The following QSER1 variants were observed in gnomAD, a reference collection of about 807,000 sequenced individuals.
The protein encoded by QSER1 is glutamine and serine-rich protein 1.
QSER1 carries 49 observed loss-of-function variants against 158.5 expected under a neutral mutation model. The ratio of observed to expected loss-of-function variants is 0.31; its 90% CI spans 0.25 to 0.39. The LOEUF (loss-of-function observed/expected upper bound fraction) is 0.39, where lower values mean the gene tolerates loss of function less well. QSER1 is among the 10% of genes least tolerant of loss of function. QSER1 has a pLI of 1.00. For synonymous variants in QSER1, 650 were observed against 715.5 expected (o/e 0.91, Z 1.46); for missense variants, 1,754 against 2,010.3 (o/e 0.87, Z 2.44).
In QSER1 at chr11:32,978,527, G is replaced by T. The variant is rs913994269; in HGVS notation, c.*2053G>T. On this transcript the variant is annotated 3_prime_UTR_variant, in exon 13 of 13. Coordinates refer to ENST00000650167, the MANE Select transcript of QSER1 (RefSeq NM_001076786.3). The stretch of plus-strand genomic sequence containing the variant: ...CTTAATTTAGGTAGCTCTTGGAATC[G>T]ATGTTTGAATTCACTAGCCACATTT... 6.6e-6 allele frequency: 1 copy of T among 152,148 alleles called. No homozygotes were observed. The highest frequency in any genetic ancestry group is 6.5e-5 in the Admixed American group (1 of 15,268). 9.4% of individuals were successfully genotyped at this position (152,148 alleles called of 1,614,324 possible). A position where few individuals can be genotyped will look rare whatever the true frequency, so the allele number is the denominator to read the frequency against.
intron 5 of QSER1, 58 bp downstream of exon 5, chr11:32,954,237 C>T (rs769237284): frequency 1.4e-5 from 22 of 1,547,016 alleles, no homozygotes; most frequent in Non-Finnish European, 1.9e-5. Context: ...CCTGCGATAG[C>T]CTTCATTATG....
chr11:32,935,396 A>G lies in QSER1; in HGVS notation c.4138A>G (p.Thr1380Ala). ...DAYKSVSTPL[T>A]TLDATSDKKK... The stretch of plus-strand genomic sequence containing the variant: ...TTATAAAAGCGTCTCTACTCCCTTA[A>G]CTACTTTGGATGCTACTTCTGATAA... The change falls in exon 4 of 13, where the codon ACT (threonine) becomes GCT (alanine). Residue 1380 changes from threonine to alanine, a missense_variant. Thr to Ala is a moderately conservative substitution (Grantham distance 58, BLOSUM62 0). This residue lies in a region of QSER1 where 1,707 missense variants were observed against 1,919.6 expected (regional missense o/e 0.89). Coordinates refer to ENST00000650167, the MANE Select transcript of QSER1 (RefSeq NM_001076786.3). 1.3e-6 allele frequency: 2 copies of G among 1,559,774 alleles called. No homozygotes were observed. Among genetic ancestry groups the G allele is most frequent in the Admixed American group, 2.0e-5 (1 of 49,034 alleles).
chr11:32,911,443 A>T (rs1311548325), intron 1 of QSER1, among the ~76,000 whole-genome samples: 2 of 150,260 alleles, frequency 1.3e-5, no homozygotes, highest in Non-Finnish European at 1.5e-5. Context: ...GTACCAAGTT[A>T]TGAATGATTA....
chr11:32,898,049 T>G (rs1364281400), intron 1 of QSER1, among the ~76,000 whole-genome samples: 1 of 152,238 alleles, frequency 6.6e-6, no homozygotes, highest in East Asian at 1.9e-4. Context: ...TCTTGGACCT[T>G]TTCTTTCCTC....
intron 1 of QSER1, among the ~76,000 whole-genome samples, chr11:32,899,503 G>A (rs1244349254): frequency 6.6e-6 from 1 of 152,148 alleles, no homozygotes; most frequent in Non-Finnish European, 1.5e-5. Flanking sequence ...TTGAGTACCT[G>A]CAATTGTTAA....
rs575378907 is a variant in QSER1, at chr11:32,927,973, A to G, written c.334A>G (p.Ile112Val). 12 of 906,872 alleles carry G rather than the reference A, an allele frequency of 1.3e-5. No homozygotes were observed. The highest frequency in any genetic ancestry group is 1.0e-4 in the Admixed American group (4 of 39,940). The allele number at this position is 906,872 out of a possible 1,614,324, so 56.2% of individuals were successfully genotyped here. Residue 112 changes from isoleucine to valine, a missense_variant, in exon 3 of 13, where the codon ATA becomes GTA. By Grantham distance (29) the Ile-to-Val change is conservative (BLOSUM62 3). This residue lies in a region of QSER1 where 1,707 missense variants were observed against 1,919.6 expected (regional missense o/e 0.89). Transcript: ENST00000650167. ...ATCTTCAAATTTAGGTCTTTCTGGA[A>G]TATTTGATACTAGTGTGAACAGTGC... ...PTPQPTGLSGIFDTSVNSASS... is the reference protein window; with the variant it reads ...PTPQPTGLSGVFDTSVNSASS...
chr11:32,924,961 T>C (rs1012369569), intron 1 of QSER1, among the ~76,000 whole-genome samples: 1 of 152,184 alleles, frequency 6.6e-6, no homozygotes, highest in Non-Finnish European at 1.5e-5. Flanking sequence ...CTCCCACTTA[T>C]TAATGAGAAC....
rs758893573 is a variant in QSER1, at chr11:32,933,234, G to T, written c.1976G>T (p.Cys659Phe). ...QSSSFASSTH[C>F]QTLQNNITSP... ...TCATCTTTTGCATCCTCTACTCATTGTCAGACATTACAAAATAACATAACT... is the reference window on the plus strand; with the variant it reads ...TCATCTTTTGCATCCTCTACTCATTTTCAGACATTACAAAATAACATAACT... Residue 659 changes from cysteine to phenylalanine, a missense_variant, in exon 4 of 13, where the codon TGT becomes TTT. Transcript: ENST00000650167. The T allele has an allele frequency of 6.2e-7, 1 of 1,613,780 alleles. No homozygotes were observed. Among genetic ancestry groups the T allele is most frequent in the Non-Finnish European group, 8.5e-7 (1 of 1,179,958 alleles).
intron 3 of QSER1, 29 bp from the exon 4 acceptor site, chr11:32,931,714 A>G (rs774656697): frequency 5.3e-6 from 8 of 1,503,282 alleles, no homozygotes; most frequent in Admixed American, 4.2e-5. Flanking sequence ...CCATAATTAC[A>G]TAAAAATCTT....
In QSER1 at chr11:32,893,581, G is replaced by T. The variant is rs1851514781; in HGVS notation, c.209+247G>T. On this transcript the variant is annotated intron_variant, in intron 1 of 12. Coordinates refer to ENST00000650167, the MANE Select transcript of QSER1 (RefSeq NM_001076786.3). This position sits in a 1 kb window ranked among gnomAD's most constrained non-coding sequence, Gnocchi z 4.7. Reference sequence around the variant, plus strand: ...GGAATAGCTGGGCGGGAGTCGTGGGGCTCCGTCACCTCTTGGGTCCTGGGC... The same window carrying T: ...GGAATAGCTGGGCGGGAGTCGTGGGTCTCCGTCACCTCTTGGGTCCTGGGC... Among the ~76,000 whole-genome samples the T allele has an allele frequency of 6.6e-6, 1 of 152,186 alleles. No individual in the cohort carries two copies. The highest frequency in any genetic ancestry group is 2.4e-5 in the African/African-American group (1 of 41,448).
At chr11:32,901,119 G>A (rs1393770845) in intron 1 of QSER1, among the ~76,000 whole-genome samples, 3 of 152,164 alleles carry the variant, frequency 2.0e-5, no homozygotes, top group Non-Finnish European at 2.9e-5. Flanking sequence ...TCCACCACTT[G>A]CAGTATGATC....
At chr11:32,946,644 A>G (rs1221316713) in intron 4 of QSER1, among the ~76,000 whole-genome samples, 1 of 152,196 alleles carries the variant, frequency 6.6e-6, no homozygotes, top group Non-Finnish European at 1.5e-5. Context: ...GCTGTCAGAC[A>G]GGGACATTTA....
chr11:32,966,735 A>T (rs1343453954), intron 9 of QSER1, among the ~76,000 whole-genome samples: 2 of 152,228 alleles, frequency 1.3e-5, no homozygotes, highest in African/African-American at 4.8e-5. Context: ...ATTACATGAA[A>T]GGTCTGTATG....
intron 9 of QSER1, among the ~76,000 whole-genome samples, chr11:32,968,098 T>C (rs1309828552): frequency 2.6e-5 from 4 of 152,220 alleles, no homozygotes; most frequent in Non-Finnish European, 5.9e-5. Context: ...TATCAGTGTT[T>C]TCTGATTTTT....
chr11:32,954,220 T>C lies in QSER1; in HGVS notation c.4500+41T>C, dbSNP rs145056592. On this transcript the variant is annotated intron_variant, in intron 5 of 12. Transcript: ENST00000650167. ...ACCAGTGTAAAGGTCATAGTTTAGT[T>C]AGTGTGCCTGCGATAGCCTTCATTA... 2.6e-4 allele frequency: 408 copies of C among 1,574,692 alleles called. 1 individual carries two copies. In the African/African-American group the frequency reaches 5.1e-3, roughly 20 times the overall value.
intron 4 of QSER1, among the ~76,000 whole-genome samples, chr11:32,947,463 T>G (rs1175765837): frequency 6.6e-6 from 1 of 152,170 alleles, no homozygotes; most frequent in Non-Finnish European, 1.5e-5. Flanking sequence ...ATTAGGTTAT[T>G]TAAGAAAATG....
chr11:32,969,954 G>C (rs1852822308), intron 10 of QSER1, among the ~76,000 whole-genome samples: 1 of 152,006 alleles, frequency 6.6e-6, no homozygotes, highest in Admixed American at 6.6e-5. Flanking sequence ...CAAAGTGTTG[G>C]GATTACAGGC....
At chr11:32,966,604 C>T (rs922371418) in intron 9 of QSER1, among the ~76,000 whole-genome samples, 167 bp downstream of exon 9, 1 of 152,154 alleles carries the variant, frequency 6.6e-6, no homozygotes, top group African/African-American at 2.4e-5. Flanking sequence ...TCTTTTCATG[C>T]ATTCTCTGAA....
At chr11:32,940,737 C>T (rs77492178) in intron 4 of QSER1, among the ~76,000 whole-genome samples, 2,824 of 152,080 alleles carry the variant, frequency 0.019, 45 homozygotes, top group South Asian at 0.038. Flanking sequence ...CCATAGTAAT[C>T]CTTAAGTTTT....
Sources: gnomAD v4.1 joint callset for allele counts (sites outside exome capture counted in the v4.1 genomes callset) on GRCh38, gnomAD v4.1.1 for gene constraint, gnomAD v4.1.1 regional missense constraint, Gnocchi (gnomAD v3.1) non-coding constraint, MANE v1.5 for transcripts, NCBI Gene and HGNC (gene_info 2026-07-23, HGNC 2026-07-21) for gene names.